Variants in LAMB4 observed in about 807,000 individuals in gnomAD.
LAMB4 encodes the protein laminin subunit beta 4.
A neutral mutation model predicts 199.2 loss-of-function variants in LAMB4; 196 were observed. That is an observed-to-expected ratio of 0.98 (90% CI 0.88 to 1.11). The LOEUF (loss-of-function observed/expected upper bound fraction) is 1.11, where lower values mean the gene tolerates loss of function less well. Among genes scored for constraint, LAMB4 ranks in the 50% least tolerant of loss-of-function variants. LAMB4 has a pLI of 0.00. For synonymous variants in LAMB4, 744 were observed against 770.6 expected, an observed-to-expected ratio of 0.97 and a Z score of 0.57; for missense variants, 2,080 against 2,171.2, an observed-to-expected ratio of 0.96 and a Z score of 0.83.
At chr7:108,121,124 A>C (rs539640407) in intron 2 of LAMB4, among the ~76,000 whole-genome samples, 5 of 152,354 alleles carry the variant, frequency 3.3e-5, no homozygotes, top group African/African-American at 1.2e-4. Flanking sequence ...AAACATGTTT[A>C]TGTCTTTTGA....
At chr7:108,078,939 C>T (rs1380455208) in intron 15 of LAMB4, among the ~76,000 whole-genome samples, 1 of 152,182 alleles carries the variant, frequency 6.6e-6, no homozygotes, top group Non-Finnish European at 1.5e-5. Flanking sequence ...CCGTGGGAGC[C>T]TCCAGAATGT....
In LAMB4 at chr7:108,066,441, GCAAACCTATTA is replaced by G; in HGVS notation, c.2595_2605del (p.Asn866Ter). 6.2e-7 allele frequency: 1 copy of G among 1,614,182 alleles called. No individual in the cohort carries two copies. The highest frequency in any genetic ancestry group is 8.5e-7 in the Non-Finnish European group (1 of 1,180,024). ...CCCTGTCTCAGGATCACAAAGTTCAGCAAACCTATTACAAGGGCAAGGGTGGCAGCTGGGAA... is the reference window on the plus strand; with the variant it reads ...CCCTGTCTCAGGATCACAAAGTTCAGCAAGGGCAAGGGTGGCAGCTGGGAA... On this transcript the variant is annotated frameshift_variant, in exon 20 of 34. Coordinates refer to ENST00000388781, the MANE Select transcript of LAMB4 (RefSeq NM_007356.3). LOFTEE classifies it high-confidence loss of function.
intron 27 of LAMB4, 47 bp from the exon 28 acceptor site, chr7:108,048,158 CTTTTTTTTTTTTTT>C (rs747991620): frequency 4.3e-6 from 2 of 462,524 alleles, no homozygotes; most frequent in South Asian, 2.3e-5. Context: ...GTTGTCAGAG[CTTTTTTTTTTTTTT>C]TTTTTTTTTT....
downstream of LAMB4, among the ~76,000 whole-genome samples, chr7:108,019,925 C>G (rs1448632497): frequency 2.0e-5 from 3 of 152,136 alleles, no homozygotes; most frequent in Admixed American, 6.5e-5. Context: ...GGAGAAGATA[C>G]AGGATAGTCT....
At chr7:108,017,447 C>G in the LAMB4 span, among the ~76,000 whole-genome samples, 11 of 152,278 alleles carry the variant, frequency 7.2e-5, no homozygotes, top group South Asian at 2.3e-3. Context: ...AAGAACAAAA[C>G]AGGGGACTGT....
In LAMB4 at chr7:108,037,560, C is replaced by T; in HGVS notation, c.4507G>A (p.Ala1503Thr). The change falls in exon 30 of 34, where the codon GCG (alanine) becomes ACG (threonine). Residue 1503 changes from alanine to threonine, a missense_variant. Coordinates refer to ENST00000388781, the MANE Select transcript of LAMB4 (RefSeq NM_007356.3). ...AGGTGAATGTCAAGCACACCATTCG[C>T]AACCTTCTCGATGTCTTCTGGAGGC... Reference protein sequence around the residue: ...NVPPEDIEKVANGVLDIHLPI... With the variant: ...NVPPEDIEKVTNGVLDIHLPI... 1 of 1,614,176 alleles carries T rather than the reference C, an allele frequency of 6.2e-7. No homozygotes were observed.
intron 33 of LAMB4, chr7:108,026,715 C>T (rs1475718938): frequency 7.5e-6 from 2 of 267,262 alleles, no homozygotes; most frequent in Admixed American, 9.9e-5. Context: ...GTGGAAGGAC[C>T]CTGGCTGAAG....
chr7:108,113,615 A>C (rs1467886856), intron 3 of LAMB4, among the ~76,000 whole-genome samples: 4 of 152,228 alleles, frequency 2.6e-5, no homozygotes, highest in Non-Finnish European at 5.9e-5. Context: ...TCTTCAAATA[A>C]TTTCCAATAA....
intron 1 of LAMB4, among the ~76,000 whole-genome samples, chr7:108,123,634 T>G (rs1226164917): frequency 6.6e-6 from 1 of 152,196 alleles, no homozygotes; most frequent in Non-Finnish European, 1.5e-5. Flanking sequence ...ACCACTGCAC[T>G]CCAGCGTGGG....
At chr7:108,124,336 A>G (rs183502766) in intron 1 of LAMB4, among the ~76,000 whole-genome samples, 101 of 152,262 alleles carry the variant, frequency 6.6e-4, no homozygotes, top group East Asian at 2.1e-3. Flanking sequence ...ATATTTTCCT[A>G]TTATAAATAT....
intron 27 of LAMB4, among the ~76,000 whole-genome samples, chr7:108,049,067 C>T (rs2035743824): frequency 1.3e-5 from 2 of 152,044 alleles, no homozygotes; most frequent in South Asian, 4.1e-4. Context: ...ATAGCCTGTA[C>T]TGTTTTAGAA....
chr7:108,103,727 G>A (rs2150648871), intron 9 of LAMB4, among the ~76,000 whole-genome samples: 1 of 152,316 alleles, frequency 6.6e-6, no homozygotes, highest in African/African-American at 2.4e-5. Flanking sequence ...CTAGGCCAGT[G>A]GCCTGGAGGG....
chr7:108,058,009 C>A, intron 23 of LAMB4, 81 bp from the exon 24 acceptor site: 1 of 949,734 alleles, frequency 1.1e-6, no homozygotes. Context: ...ATATTTTCCC[C>A]TCCAGTGAAT....
chr7:108,069,968 T>C (rs955079482), intron 17 of LAMB4, 83 bp from the exon 18 acceptor site: 8 of 1,106,338 alleles, frequency 7.2e-6, no homozygotes, highest in Non-Finnish European at 1.0e-5. Flanking sequence ...ATTAGATCTA[T>C]GAAAATAATG....
chr7:108,099,435 T>A (rs1023284531), intron 10 of LAMB4, among the ~76,000 whole-genome samples: 1 of 152,186 alleles, frequency 6.6e-6, no homozygotes, highest in African/African-American at 2.4e-5. Flanking sequence ...AAGGTAGCAC[T>A]TGATTGAGTT....
At position 108,105,911 on chromosome 7, in the gene LAMB4, A is replaced by G. The variant is rs2037990806; in HGVS notation, c.776T>C (p.Met259Thr). The G allele has an allele frequency of 3.1e-6, 5 of 1,614,196 alleles. No homozygotes were observed. The highest frequency in any genetic ancestry group is 1.7e-5 in the Admixed American group (1 of 60,028). The change falls in exon 8 of 34, where the codon ATG becomes ACG. Residue 259 changes from methionine to threonine, a missense_variant. Physicochemically the swap from Met to Thr is moderately conservative, Grantham distance 81 (BLOSUM62 -1). Coordinates refer to ENST00000388781, the MANE Select transcript of LAMB4 (RefSeq NM_007356.3). ...LDKYYYALYE[M>T]IVRGSCFCNG... is the part of the protein sequence containing the mutation. ...GCAAAAGCAGCTTCCCCGAACAATC[A>G]TCTCGTACAGAGCATAGTAGTATTT...
chr7:108,077,090 A>G, intron 16 of LAMB4, 26 bp from the exon 17 acceptor site: 3 of 1,610,030 alleles, frequency 1.9e-6, no homozygotes, highest in Non-Finnish European at 2.5e-6. Context: ...TAAAGCAAAA[A>G]TTCAGACCAC....
chr7:108,029,565 T>G (rs574802502), intron 32 of LAMB4, among the ~76,000 whole-genome samples: 2 of 152,316 alleles, frequency 1.3e-5, no homozygotes, highest in Admixed American at 6.5e-5. Flanking sequence ...GTCAATCAGT[T>G]ATATATGTAA....
Position 108,091,638 on chromosome 7 carries a change from T to A in LAMB4, c.1689A>T (p.Gly563=). The A allele has an allele frequency of 1.2e-6, 2 of 1,613,522 alleles. No homozygotes were observed. Among genetic ancestry groups the A allele is most frequent in the Non-Finnish European group, 1.7e-6 (2 of 1,179,850 alleles). ...ATGAAATACGAACCAAAGGCGCCAGTCCTTGGAGTGTTGTGGCTTCCTCTG... is the reference window on the plus strand; with the variant it reads ...ATGAAATACGAACCAAAGGCGCCAGACCTTGGAGTGTTGTGGCTTCCTCTG... ...YEAEEATTLQ[G]LAPLGSETFG... is the part of the protein sequence containing the mutation. The change falls in exon 14 of 34, where the codon GGA becomes GGT. Residue 563 remains glycine, a synonymous_variant. Transcript: ENST00000388781.
Sources: allele counts gnomAD v4.1 joint callset (sites outside exome capture counted in the v4.1 genomes callset), GRCh38; gene constraint gnomAD v4.1.1; transcripts MANE v1.5; gene names NCBI Gene and HGNC (gene_info 2026-07-23, HGNC 2026-07-21).